The following NEDD4L variants were observed in gnomAD, a reference collection of about 807,000 sequenced individuals.
NEDD4L encodes NEDD4 like E3 ubiquitin protein ligase.
A neutral mutation model predicts 148.9 loss-of-function variants in NEDD4L; 54 were observed. The observed-to-expected ratio is 0.36, with a 90% CI of 0.29 to 0.45. The LOEUF (loss-of-function observed/expected upper bound fraction) is 0.45, where lower values mean the gene tolerates loss of function less well. NEDD4L is among the 20% of genes least tolerant of loss of function. The probability of loss-of-function intolerance (pLI) is 1.00; values close to 1 mark genes in which losing one functional copy is unlikely to be tolerated. For missense variants in NEDD4L, 856 were observed against 1,233.8 expected (o/e 0.69, Z 4.59); for synonymous variants, 433 against 440.7 (o/e 0.98, Z 0.22).
At chr18:58,376,377 A>T (rs962460100) in intron 24 of NEDD4L, among the ~76,000 whole-genome samples, 1 of 152,206 alleles carries the variant, frequency 6.6e-6, no homozygotes, top group Non-Finnish European at 1.5e-5. Context: ...GATGAGTAAG[A>T]TAAGAATTAG....
At chr18:58,049,221 A>T (rs1387794588) in intron 1 of NEDD4L, among the ~76,000 whole-genome samples, 2 of 152,240 alleles carry the variant, frequency 1.3e-5, no homozygotes. Flanking sequence ...GTGTTTGAGG[A>T]AAGTGCTAGA....
chr18:58,321,561 G>C (rs1254695745), intron 6 of NEDD4L, among the ~76,000 whole-genome samples: 7 of 152,234 alleles, frequency 4.6e-5, no homozygotes, highest in Non-Finnish European at 1.0e-4. Context: ...GGAACCCATT[G>C]AGAGTTTAAA....
intron 1 of NEDD4L, among the ~76,000 whole-genome samples, chr18:58,071,499 ATAGTT>A (rs1172998997): frequency 5.3e-5 from 8 of 152,260 alleles, no homozygotes; most frequent in African/African-American, 1.9e-4. Flanking sequence ...GTCATTTGAG[ATAGTT>A]CAGTCTGAAC....
At chr18:58,114,420 C>T (rs2085637475) in intron 1 of NEDD4L, among the ~76,000 whole-genome samples, 1 of 152,044 alleles carries the variant, frequency 6.6e-6, no homozygotes, top group African/African-American at 2.4e-5. Context: ...TATGTGTGTG[C>T]CAGGGGATCC....
At chr18:58,099,462 G>A (rs1182104656) in intron 1 of NEDD4L, among the ~76,000 whole-genome samples, 3 of 152,154 alleles carry the variant, frequency 2.0e-5, no homozygotes, top group Admixed American at 6.5e-5. Context: ...AAATAGGCAG[G>A]TTTGGGTTCT....
chr18:58,114,680 T>G (rs1260232571), intron 1 of NEDD4L, among the ~76,000 whole-genome samples: 1 of 145,822 alleles, frequency 6.9e-6, no homozygotes, highest in African/African-American at 2.6e-5. Context: ...ATAGTCATAG[T>G]CCTGTAGGGT....
intron 1 of NEDD4L, among the ~76,000 whole-genome samples, chr18:58,159,563 A>G (rs1347459909): frequency 6.6e-6 from 1 of 152,176 alleles, no homozygotes; most frequent in African/African-American, 2.4e-5. Flanking sequence ...GAGTAGTCTT[A>G]AAAATGCATG....
At chr18:58,198,866 G>A (rs776422120) in intron 2 of NEDD4L, among the ~76,000 whole-genome samples, 34 of 152,096 alleles carry the variant, frequency 2.2e-4, no homozygotes, top group African/African-American at 5.6e-4. Context: ...GTGCAGTGGC[G>A]CAATCTCCGC....
intron 9 of NEDD4L, 129 bp from the exon 10 acceptor site, chr18:58,328,866 C>A: frequency 2.2e-6 from 2 of 898,548 alleles, no homozygotes; most frequent in South Asian, 1.8e-5. Flanking sequence ...ATTGGATGAC[C>A]AGCTAGTTGT....
intron 1 of NEDD4L, chr18:58,047,491 G>A: frequency 1.7e-5 from 17 of 985,432 alleles, no homozygotes; most frequent in Non-Finnish European, 2.0e-5. Context: ...ATCAGCAGAG[G>A]TCTGTCCACT....
intron 1 of NEDD4L, among the ~76,000 whole-genome samples, chr18:58,158,881 A>G (rs7232059): frequency 0.49 from 73,906 of 151,928 alleles, 18,237 homozygotes; most frequent in Admixed American, 0.56. Context: ...GCAACTGTGC[A>G]CACACCTTGC....
At chr18:58,226,261 G>T (rs931970674) in intron 2 of NEDD4L, among the ~76,000 whole-genome samples, 3 of 152,172 alleles carry the variant, frequency 2.0e-5, no homozygotes, top group Non-Finnish European at 4.4e-5. Context: ...CCTCTAAGAG[G>T]TATAGTAGTT....
intron 1 of NEDD4L, among the ~76,000 whole-genome samples, chr18:58,132,300 A>G (rs1393957061): frequency 3.3e-5 from 5 of 152,172 alleles, no homozygotes; most frequent in Non-Finnish European, 7.4e-5. Flanking sequence ...AAAAAGACCA[A>G]TGGAGTTTCC....
chr18:58,135,460 G>C lies in NEDD4L; in HGVS notation c.49-30328G>C, dbSNP rs111416974. Among the ~76,000 whole-genome samples, 962 of 152,280 alleles carry C rather than the reference G, an allele frequency of 6.3e-3. 6 individuals are homozygous for C. Among genetic ancestry groups the C allele is most frequent in the Non-Finnish European group, 0.011 (747 of 68,022 alleles). On this transcript the variant is annotated intron_variant, in intron 1 of 30. Coordinates refer to ENST00000400345, the MANE Select transcript of NEDD4L (RefSeq NM_001144967.3). ...TGTGTTTGTGATGGCTCCCATATGT[G>C]GTTTGCCTTTGTATCTGATTGTAAA...
In NEDD4L at chr18:58,123,955, C is replaced by T. The variant is rs532351023; in HGVS notation, c.49-41833C>T. 3.9e-5 allele frequency among the ~76,000 whole-genome samples: 6 copies of T among 152,274 alleles called. No individual in the cohort carries two copies. In the East Asian group the frequency reaches 9.7e-4, roughly 25 times the overall value. On this transcript the variant is annotated intron_variant, in intron 1 of 30. Transcript: ENST00000400345. ...GCATTATTCGTTTCTTCCTTTCTTC[C>T]GCATCCTTCCAAATAGCGTAAAAAC... is the stretch of plus-strand genomic sequence containing the variant.
intron 2 of NEDD4L, among the ~76,000 whole-genome samples, chr18:58,217,312 C>T (rs1249021269): frequency 6.6e-6 from 1 of 152,126 alleles, no homozygotes; most frequent in African/African-American, 2.4e-5. Context: ...TCAATTTATT[C>T]CTCCCCCTCC....
chr18:58,114,245 G>A (rs1190549545), intron 1 of NEDD4L, among the ~76,000 whole-genome samples: 3 of 152,008 alleles, frequency 2.0e-5, no homozygotes, highest in Non-Finnish European at 2.9e-5. Flanking sequence ...TGTTATTTAC[G>A]CTCAAGATGA....
intron 1 of NEDD4L, among the ~76,000 whole-genome samples, chr18:58,112,501 T>A (rs2085485621): frequency 6.6e-6 from 1 of 151,970 alleles, no homozygotes; most frequent in Non-Finnish European, 1.5e-5. Context: ...TTTATTATTA[T>A]TTTTTGAGAC....
intron 2 of NEDD4L, among the ~76,000 whole-genome samples, chr18:58,168,758 C>T (rs907632491): frequency 6.6e-6 from 1 of 152,218 alleles, no homozygotes; most frequent in Non-Finnish European, 1.5e-5. Flanking sequence ...AGAGGAAGAA[C>T]ATTTTCATGA....
Sources: gnomAD v4.1 joint callset for allele counts (sites outside exome capture counted in the v4.1 genomes callset) on GRCh38, gnomAD v4.1.1 for gene constraint, MANE v1.5 for transcripts, NCBI Gene and HGNC (gene_info 2026-07-23, HGNC 2026-07-21) for gene names.